Variants in RARS1 observed in about 807,000 individuals in gnomAD.
The protein encoded by RARS1 is arginyl-tRNA synthetase 1, also known as arginine--tRNA ligase, cytoplasmic.
Under a neutral mutation model 78.7 loss-of-function variants are expected in RARS1, and 75 were observed. The ratio of observed to expected loss-of-function variants is 0.95; its 90% CI spans 0.79 to 1.15. The LOEUF is 1.15. Among genes scored for constraint, RARS1 ranks in the 50% most tolerant of loss-of-function variants. The probability of loss-of-function intolerance (pLI) is 0.00; values close to 1 mark genes in which losing one functional copy is unlikely to be tolerated. For missense variants in RARS1, 787 were observed against 787.5 expected, an observed-to-expected ratio of 1.00 and a Z score of 0.01; for synonymous variants, 273 against 268.2, an observed-to-expected ratio of 1.02 and a Z score of -0.18.
chr5:168,509,659 CTTTCT>C (rs1407704544), intron 11 of RARS1, among the ~76,000 whole-genome samples: 3 of 118,250 alleles, frequency 2.5e-5, no homozygotes, highest in South Asian at 5.2e-4. Context: ...TTTTTTCTTT[CTTTCT>C]TTTTTTTTTT....
At chr5:168,515,744 T>C (rs1417213673) in intron 12 of RARS1, among the ~76,000 whole-genome samples, 4 of 152,366 alleles carry the variant, frequency 2.6e-5, no homozygotes, top group African/African-American at 4.8e-5. Context: ...TGTGTGCTAA[T>C]GCCCTTCCAT....
chr5:168,500,467 C>G, intron 7 of RARS1, 124 bp from the exon 8 acceptor site: 7 of 951,846 alleles, frequency 7.4e-6, no homozygotes, highest in Non-Finnish European at 9.6e-6. Context: ...AGGGAGAGCA[C>G]TTGTTCTCGT....
chr5:168,489,686 C>T (rs955458837), intron 2 of RARS1, among the ~76,000 whole-genome samples: 3 of 152,070 alleles, frequency 2.0e-5, no homozygotes, highest in Non-Finnish European at 4.4e-5. Context: ...CATAATTATT[C>T]TCCTGTGTGT....
At chr5:168,489,965 C>T (rs1038984961) in intron 2 of RARS1, among the ~76,000 whole-genome samples, 1 of 152,010 alleles carries the variant, frequency 6.6e-6, no homozygotes, top group South Asian at 2.1e-4. Flanking sequence ...CAGGCATGCA[C>T]CACCACACCT....
chr5:168,491,179 T>C (rs1026719710), intron 2 of RARS1, among the ~76,000 whole-genome samples: 2 of 152,086 alleles, frequency 1.3e-5, no homozygotes, highest in African/African-American at 4.8e-5. Context: ...TTGACATTTA[T>C]TATAGCAGGT....
chr5:168,489,870 A>C (rs2152903319), intron 2 of RARS1, among the ~76,000 whole-genome samples: 1 of 145,956 alleles, frequency 6.9e-6, no homozygotes, highest in East Asian at 2.0e-4. Context: ...GCTGGATTGC[A>C]ATGGCACAAT....
intron 9 of RARS1, among the ~76,000 whole-genome samples, chr5:168,504,560 C>T (rs1315904854): frequency 6.7e-6 from 1 of 150,290 alleles, no homozygotes; most frequent in African/African-American, 2.4e-5. Context: ...GGCCCGGTGG[C>T]TCAGGCTTGT....
At chr5:168,498,936 C>T (rs1157260746) in intron 7 of RARS1, among the ~76,000 whole-genome samples, 3 of 151,652 alleles carry the variant, frequency 2.0e-5, no homozygotes, top group African/African-American at 7.3e-5. Context: ...CACACCATTG[C>T]ACTATACAGC....
rs747777615 is a variant in RARS1 at position 168,518,071 on chromosome 5, C to CTTTTTTTTT, written c.1873+25_1873+33dup. The CTTTTTTTTT allele has an allele frequency of 1.9e-3, 1,390 of 748,038 alleles. 153 individuals carry two copies. Among genetic ancestry groups the CTTTTTTTTT allele is most frequent in the African/African-American group, 7.1e-3 (153 of 21,438 alleles). The allele number at this position is 748,038 out of a possible 1,614,324, so 46.3% of individuals were successfully genotyped here. Reference sequence around the variant, plus strand: ...GAAAGATAGACAGACTGGTGAGTGTCTTTTTTTTTTTTTTTTTTTTTTTTA... The same window carrying CTTTTTTTTT: ...GAAAGATAGACAGACTGGTGAGTGTCTTTTTTTTTTTTTTTTTTTTTTTTTTTTTTTTTA... On this transcript the variant is annotated intron_variant, in intron 14 of 14. Coordinates refer to ENST00000231572, the MANE Select transcript of RARS1 (RefSeq NM_002887.4).
chr5:168,490,910 G>A (rs1365482581), intron 2 of RARS1, among the ~76,000 whole-genome samples: 1 of 152,180 alleles, frequency 6.6e-6, no homozygotes, highest in African/African-American at 2.4e-5. Flanking sequence ...GCCGAGGCAG[G>A]TGAATTACCT....
intron 2 of RARS1, among the ~76,000 whole-genome samples, chr5:168,490,945 C>T (rs1758069489): frequency 6.6e-6 from 1 of 151,736 alleles, no homozygotes; most frequent in Non-Finnish European, 1.5e-5. Flanking sequence ...GAGACCAGCC[C>T]AGCCAACATG....
intron 5 of RARS1, 128 bp from the exon 6 acceptor site, chr5:168,495,187 T>G: frequency 3.5e-6 from 5 of 1,411,580 alleles, no homozygotes; most frequent in African/African-American, 1.4e-5. Context: ...TGTTTAAGTC[T>G]GAGTTTGTTA....
chr5:168,494,830 C>A, intron 5 of RARS1, 180 bp downstream of exon 5: 1 of 519,218 alleles, frequency 1.9e-6, no homozygotes, highest in Non-Finnish European at 3.4e-6. Flanking sequence ...TGCACTTCAA[C>A]CTGGGCAGTA....
chr5:168,510,715 G>A (rs762416446), intron 12 of RARS1, 29 bp downstream of exon 12: 4 of 1,482,796 alleles, frequency 2.7e-6, no homozygotes, highest in Non-Finnish European at 3.7e-6. Flanking sequence ...GGCATAATGT[G>A]TATCAAGCAT....
intron 11 of RARS1, 46 bp downstream of exon 11, chr5:168,506,877 A>G: frequency 2.1e-6 from 3 of 1,421,716 alleles, no homozygotes; most frequent in Non-Finnish European, 3.0e-6. Flanking sequence ...CTTGATCCCA[A>G]GAGGCTACTT....
At position 168,497,255 on chromosome 5, in the gene RARS1, C is replaced by G; in HGVS notation, c.729C>G (p.Thr243=). 1 of 1,579,958 alleles carries G rather than the reference C, an allele frequency of 6.3e-7. No individual in the cohort carries two copies. Among genetic ancestry groups the G allele is most frequent in the Non-Finnish European group, 8.6e-7 (1 of 1,160,840 alleles). ...TAAATCATGTAGGAGACTGGGGGAC[C>G]CAGTTTGGCATGCTCATCGCTCACC... The part of the protein sequence containing the change: ...LRLNHVGDWG[T]QFGMLIAHLQ... The change falls in exon 7 of 15, where the codon ACC becomes ACG. Residue 243 remains threonine, a synonymous_variant. Coordinates refer to ENST00000231572, the MANE Select transcript of RARS1 (RefSeq NM_002887.4).
Position 168,497,354 on chromosome 5 carries a change from A to G in RARS1, c.822+6A>G. The G allele has an allele frequency of 6.4e-7, 1 of 1,552,896 alleles. No individual in the cohort carries two copies. Among genetic ancestry groups the G allele is most frequent in the Non-Finnish European group, 8.7e-7 (1 of 1,147,928 alleles). On this transcript the variant is annotated splice_donor_region_variant and intron_variant, in intron 7 of 14. Transcript: ENST00000231572. ...ATCTTCAGGTCTTTTATAAGGTTTG[A>G]TACCATTTCTTTTATATTATGTGTG...
chr5:168,496,232 A>G (rs1441106130), intron 6 of RARS1, among the ~76,000 whole-genome samples: 1 of 151,688 alleles, frequency 6.6e-6, no homozygotes, highest in Non-Finnish European at 1.5e-5. Context: ...TACAAAAATT[A>G]GCTGGGTGTG....
At chr5:168,512,869 T>A (rs1389555290) in intron 12 of RARS1, among the ~76,000 whole-genome samples, 1 of 152,210 alleles carries the variant, frequency 6.6e-6, no homozygotes, top group Non-Finnish European at 1.5e-5. Context: ...GATCAATACT[T>A]CGTATCCTTC....
Sources: allele counts gnomAD v4.1 joint callset (sites outside exome capture counted in the v4.1 genomes callset), GRCh38; gene constraint gnomAD v4.1.1; transcripts MANE v1.5; gene names NCBI Gene and HGNC (gene_info 2026-07-23, HGNC 2026-07-21).